The following RGS7 variants were observed in gnomAD, a reference collection of about 807,000 sequenced individuals.
RGS7 encodes regulator of G protein signaling 7.
RGS7 carries 27 observed loss-of-function variants against 81.1 expected under a neutral mutation model. That is an observed-to-expected ratio of 0.33 (90% CI 0.25 to 0.46). RGS7 has a LOEUF of 0.46. Among genes scored for constraint, RGS7 ranks in the 20% least tolerant of loss-of-function variants. RGS7 has a pLI of 1.00. For synonymous variants in RGS7, 208 were observed against 207.7 expected, an observed-to-expected ratio of 1.00 and a Z score of -0.01; for missense variants, 396 against 607.4, an observed-to-expected ratio of 0.65 and a Z score of 3.66.
chr1:241,208,266 C>G (rs2074036694), intron 2 of RGS7, among the ~76,000 whole-genome samples: 2 of 152,090 alleles, frequency 1.3e-5, no homozygotes, highest in African/African-American at 4.8e-5. Flanking sequence ...ATGACATAAT[C>G]CCAACCCCAA....
At chr1:241,282,170 T>A (rs1195882662) in intron 2 of RGS7, among the ~76,000 whole-genome samples, 1 of 152,176 alleles carries the variant, frequency 6.6e-6, no homozygotes. Flanking sequence ...GAGTCCCCAG[T>A]GCCCAGTGTC....
At chr1:240,983,231 T>G in intron 3 of RGS7, 102 bp from the exon 4 acceptor site, 1 of 518,710 alleles carries the variant, frequency 1.9e-6, no homozygotes. Flanking sequence ...TAGAAGGAAC[T>G]TTTCTAATTG....
chr1:240,922,220 TA>T (rs1019238716), intron 6 of RGS7, among the ~76,000 whole-genome samples: 19 of 152,010 alleles, frequency 1.2e-4, no homozygotes, highest in African/African-American at 4.6e-4. Context: ...TCACAAAAAT[TA>T]ACTTAAAATA....
At chr1:240,825,878 C>A (rs970109686) in intron 10 of RGS7, among the ~76,000 whole-genome samples, 1 of 152,198 alleles carries the variant, frequency 6.6e-6, no homozygotes. Context: ...CATATGCATT[C>A]TCTTCTGAAT....
At chr1:241,015,766 C>A (rs992693942) in intron 3 of RGS7, among the ~76,000 whole-genome samples, 1 of 152,064 alleles carries the variant, frequency 6.6e-6, no homozygotes, top group African/African-American at 2.4e-5. Context: ...ATATTTTATT[C>A]TTTTAAAAAC....
At chr1:241,274,155 G>C (rs188467194) in intron 2 of RGS7, among the ~76,000 whole-genome samples, 1 of 152,218 alleles carries the variant, frequency 6.6e-6, no homozygotes. Context: ...ATTAAGGTTA[G>C]AGTGGAAGTG....
At chr1:241,148,649 C>T (rs1572892368) in intron 2 of RGS7, among the ~76,000 whole-genome samples, 1 of 152,212 alleles carries the variant, frequency 6.6e-6, no homozygotes, top group East Asian at 1.9e-4. Context: ...CTGATGCTCT[C>T]TTCATTCATA....
chr1:241,286,461 T>C (rs577288098), intron 2 of RGS7, among the ~76,000 whole-genome samples: 1 of 152,204 alleles, frequency 6.6e-6, no homozygotes, highest in East Asian at 1.9e-4. Context: ...GAAACACCGC[T>C]AAGAATTCCC....
At chr1:240,924,273 T>G (rs1674061091) in intron 6 of RGS7, among the ~76,000 whole-genome samples, 1 of 152,206 alleles carries the variant, frequency 6.6e-6, no homozygotes, top group Admixed American at 6.5e-5. Context: ...ATTCTCAACA[T>G]CCTTTTATTA....
chr1:241,041,876 T>C lies in RGS7; in HGVS notation c.175+56790A>G, dbSNP rs182343366. Among the ~76,000 whole-genome samples, 508 of 152,274 alleles carry C rather than the reference T, an allele frequency of 3.3e-3. 14 individuals carry two copies. The highest frequency in any genetic ancestry group is 0.032 in the Admixed American group (486 of 15,286). Reference sequence around the variant, plus strand: ...CTAGGTTCCCTGCTAGACTTTGAATTTCTTGAGGATTGGGGGCACATCTTA... The same window carrying C: ...CTAGGTTCCCTGCTAGACTTTGAATCTCTTGAGGATTGGGGGCACATCTTA... On this transcript the variant is annotated intron_variant, in intron 3 of 18. Coordinates refer to ENST00000440928, the MANE Select transcript of RGS7 (RefSeq NM_001364886.1).
At chr1:240,860,922 T>A (rs1662083912) in intron 9 of RGS7, among the ~76,000 whole-genome samples, 1 of 152,180 alleles carries the variant, frequency 6.6e-6, no homozygotes, top group African/African-American at 2.4e-5. Context: ...ACAAACTCAC[T>A]GTTCCAAATC....
chr1:240,817,246 A>T (rs1020664358), intron 10 of RGS7, among the ~76,000 whole-genome samples: 46 of 152,302 alleles, frequency 3.0e-4, no homozygotes, highest in African/African-American at 1.1e-3. Context: ...TCAAAGTATT[A>T]TTCCTTTAAA....
intron 4 of RGS7, among the ~76,000 whole-genome samples, chr1:240,958,102 C>T (rs1399312675): frequency 6.6e-6 from 1 of 152,222 alleles, no homozygotes; most frequent in Non-Finnish European, 1.5e-5. Flanking sequence ...TCTGGCAGAA[C>T]TACAAGTTGA....
intron 6 of RGS7, among the ~76,000 whole-genome samples, chr1:240,870,904 C>T (rs1026906894): frequency 3.3e-5 from 5 of 152,178 alleles, no homozygotes; most frequent in Non-Finnish European, 7.4e-5. Context: ...AATCTTCCAT[C>T]GTTTTGTCAC....
At chr1:241,343,450 C>G (rs2082698586) in intron 2 of RGS7, among the ~76,000 whole-genome samples, 1 of 151,992 alleles carries the variant, frequency 6.6e-6, no homozygotes, top group Admixed American at 6.6e-5. Flanking sequence ...AATGAATAAA[C>G]AAAATGCAGT....
intron 3 of RGS7, among the ~76,000 whole-genome samples, chr1:241,073,329 T>A (rs982398226): frequency 6.6e-6 from 1 of 152,186 alleles, no homozygotes; most frequent in Non-Finnish European, 1.5e-5. Context: ...CCATCTGTAA[T>A]GATAAATTCC....
Position 240,861,726 on chromosome 1 carries a change from T to A in RGS7, c.609+6861A>T, listed in dbSNP as rs542898725. Among the ~76,000 whole-genome samples the A allele has an allele frequency of 1.1e-3, 167 of 152,282 alleles. 1 individual carries two copies. The highest frequency in any genetic ancestry group is 1.8e-3 in the Non-Finnish European group (123 of 67,982). ...TTCCTAGGGTCACTAATCTTATTAA[T>A]AATTTCACAATTTTTTTTTGTTCTT... On this transcript the variant is annotated intron_variant, in intron 9 of 18. Coordinates refer to ENST00000440928, the MANE Select transcript of RGS7 (RefSeq NM_001364886.1).
chr1:241,224,364 G>A (rs1365991716), intron 2 of RGS7, among the ~76,000 whole-genome samples: 1 of 150,802 alleles, frequency 6.6e-6, no homozygotes, highest in Non-Finnish European at 1.5e-5. Flanking sequence ...TTCTGTTCTT[G>A]TGATAGTTTG....
intron 6 of RGS7, among the ~76,000 whole-genome samples, chr1:240,891,097 C>T (rs1668218457): frequency 6.6e-6 from 1 of 152,182 alleles, no homozygotes; most frequent in Admixed American, 6.5e-5. Flanking sequence ...TTAACTTCAT[C>T]AAATTTGCTA....
Sources: allele counts gnomAD v4.1 joint callset (sites outside exome capture counted in the v4.1 genomes callset), GRCh38; gene constraint gnomAD v4.1.1; transcripts MANE v1.5; gene names NCBI Gene and HGNC (gene_info 2026-07-23, HGNC 2026-07-21).